Variants in DDO observed in about 807,000 individuals in gnomAD.
DDO encodes the protein D-aspartate oxidase, DDO.
In DDO, 16 loss-of-function variants were observed where a neutral mutation model predicts 16.8. The observed-to-expected ratio is 0.95, with a 90% CI of 0.65 to 1.45. The LOEUF (loss-of-function observed/expected upper bound fraction) is 1.45. Ranked by LOEUF, DDO falls within the 40% of genes most tolerant of loss-of-function variation. DDO has a pLI of 0.00. For synonymous variants in DDO, 180 were observed against 167.2 expected (o/e 1.08, Z -0.59); for missense variants, 429 against 420.3 (o/e 1.02, Z -0.18).
In DDO at chr6:110,393,224, C is replaced by T. The variant is rs1327674266; in HGVS notation, c.577G>A (p.Asp193Asn). ...SGLGSRQLAG[D>N]SKIFPVRGQV... ...CCCCTTACAGGGAAAATCTTTGAGT[C>T]TCCTGCAAGCTGTCTGCTTCCAAGG... The change falls in exon 5 of 5, where the codon GAC (aspartate) becomes AAC (asparagine). Residue 193 changes from aspartate to asparagine, a missense_variant. Coordinates refer to ENST00000368924, the MANE Select transcript of DDO (RefSeq NM_001372108.2). 1 of 1,614,240 alleles carries T rather than the reference C, an allele frequency of 6.2e-7. No individual in the cohort carries two copies. Among genetic ancestry groups the T allele is most frequent in the East Asian group, 2.2e-5 (1 of 44,884 alleles).
intron 2 of DDO, among the ~76,000 whole-genome samples, chr6:110,412,180 A>G (rs1773880477): frequency 6.6e-6 from 1 of 151,928 alleles, no homozygotes; most frequent in Non-Finnish European, 1.5e-5. Flanking sequence ...CCAGAGGTGA[A>G]GGTTACAGTG....
chr6:110,405,082 G>C, intron 3 of DDO, 132 bp from the exon 4 acceptor site: 1 of 925,020 alleles, frequency 1.1e-6, no homozygotes, highest in Non-Finnish European at 1.6e-6. Flanking sequence ...CATCACCCAG[G>C]TGGGAGTGCA....
chr6:110,400,581 T>G (rs1773454064), intron 4 of DDO, among the ~76,000 whole-genome samples: 1 of 152,292 alleles, frequency 6.6e-6, no homozygotes, highest in African/African-American at 2.4e-5. Flanking sequence ...ATCAGAACTC[T>G]CCTCATCTCC....
intron 4 of DDO, among the ~76,000 whole-genome samples, chr6:110,394,221 C>T (rs2114807709): frequency 6.6e-6 from 1 of 152,240 alleles, no homozygotes. Context: ...CCTCCCACCT[C>T]AGCCTCCTGA....
intron 2 of DDO, among the ~76,000 whole-genome samples, chr6:110,411,656 A>T (rs1193210189): frequency 1.3e-5 from 2 of 152,184 alleles, no homozygotes; most frequent in African/African-American, 2.4e-5. Context: ...GATAAATAGG[A>T]GGGGGACAAA....
chr6:110,406,386 A>G (rs1773656641), intron 3 of DDO, among the ~76,000 whole-genome samples: 1 of 152,046 alleles, frequency 6.6e-6, no homozygotes, highest in Non-Finnish European at 1.5e-5. Flanking sequence ...AAACCCAAGA[A>G]TCATCCTTGA....
At chr6:110,394,332 C>G (rs1188928647) in intron 4 of DDO, among the ~76,000 whole-genome samples, 2 of 152,164 alleles carry the variant, frequency 1.3e-5, no homozygotes, top group Non-Finnish European at 2.9e-5. Context: ...GTCTGCAACT[C>G]ATGAGCTCAG....
At chr6:110,391,296 T>C (rs943399826), downstream of DDO, among the ~76,000 whole-genome samples, 6 of 152,086 alleles carry the variant, frequency 3.9e-5, no homozygotes, top group Non-Finnish European at 7.4e-5. Context: ...TACTGTATCA[T>C]TTAACAGAAG....
At position 110,392,878 on chromosome 6, in the gene DDO, C is replaced by T. The variant is rs140566457; in HGVS notation, c.923G>A (p.Ser308Asn). The change falls in exon 5 of 5, where the codon AGT becomes AAT. Residue 308 changes from serine to asparagine, a missense_variant. Ser to Asn is a conservative substitution (Grantham distance 46, BLOSUM62 1). Coordinates refer to ENST00000368924, the MANE Select transcript of DDO (RefSeq NM_001372108.2). The stretch of plus-strand genomic sequence containing the variant: ...GCCCCAGTGCACTGAGATGCCCCCA[C>T]TCCCATGGCCATAGTGGTGGACTAC... ...LPVVHHYGHG[S>N]GGISVHWGTA... is the part of the protein sequence containing the mutation. 291 of 1,614,218 alleles carry T rather than the reference C, an allele frequency of 1.8e-4. 2 individuals are homozygous for T. In the African/African-American group the frequency reaches 3.5e-3, roughly 19 times the overall value.
intron 4 of DDO, among the ~76,000 whole-genome samples, chr6:110,402,598 G>T (rs1371310008): frequency 6.6e-6 from 1 of 152,198 alleles, no homozygotes; most frequent in African/African-American, 2.4e-5. Flanking sequence ...CCGGGAGGTT[G>T]CAGTGAGCTG....
downstream of DDO, among the ~76,000 whole-genome samples, chr6:110,391,592 C>CCCAAAGTGCTGGGATTGCA (rs1773102385): frequency 6.6e-6 from 1 of 152,102 alleles, no homozygotes; most frequent in African/African-American, 2.4e-5. Context: ...ACCTCAGCCT[C>CCCAAAGTGCTGGGATTGCA]CCAAAGTGCT....
rs139844778 is a variant in DDO, at chr6:110,393,319, G to A, written c.482C>T (p.Thr161Ile). Residue 161 changes from threonine (T) to isoleucine (I), a missense_variant, in exon 5 of 5, where the codon ACA becomes ATA. By Grantham distance (89) the Thr-to-Ile change is moderately conservative (BLOSUM62 -1). Transcript: ENST00000368924. ...CAGGTCTTCTATTCGCCGAGTGAGT[G>A]TCCAGCCTCCACTTCCCTTTATCCT... The part of the protein sequence containing the change: ...EKRIKGSGGW[T>I]LTRRIEDLWE... The A allele has an allele frequency of 1.7e-5, 27 of 1,604,562 alleles. No homozygotes were observed. The African/African-American group carries it at 3.5e-4, about 21-fold the overall frequency.
downstream of DDO, among the ~76,000 whole-genome samples, chr6:110,388,535 A>G (rs954239891): frequency 1.3e-5 from 2 of 151,476 alleles, no homozygotes; most frequent in Non-Finnish European, 2.9e-5. Context: ...ATTTTTAAAA[A>G]TAGCCTTTCT....
Position 110,398,937 on chromosome 6 carries a change from G to T in DDO, c.459-5595C>A, listed in dbSNP as rs544448927. The stretch of plus-strand genomic sequence containing the variant: ...ATGTTACAGGGCCCAGCACAGAAAT[G>T]GGCCACCCAGTTTCCTGAATGTTGT... On this transcript the variant is annotated intron_variant, in intron 4 of 4. Coordinates refer to ENST00000368924, the MANE Select transcript of DDO (RefSeq NM_001372108.2). Among the ~76,000 whole-genome samples, 5 of 152,310 alleles carry T rather than the reference G, an allele frequency of 3.3e-5. No individual in the cohort carries two copies. The East Asian group carries it at 9.6e-4, about 29-fold the overall frequency.
Position 110,408,428 on chromosome 6 carries a change from T to C in DDO, c.187A>G (p.Thr63Ala), listed in dbSNP as rs757875310. The change falls in exon 3 of 5, where the codon ACG (threonine) becomes GCG (alanine). Residue 63 changes from threonine to alanine, a missense_variant. Physicochemically the swap from Thr to Ala is moderately conservative, Grantham distance 58. Transcript: ENST00000368924. ...PHTYPDTPIH[T>A]QKQWFRETFN... ...GTTTCTCTGAACCACTGCTTCTGCG[T>C]GTGAATGGGTGTATCTGTAATCATG... is the stretch of plus-strand genomic sequence containing the variant. 3 of 1,614,092 alleles carry C rather than the reference T, an allele frequency of 1.9e-6. No homozygotes were observed.
chr6:110,407,446 A>G (rs188464535), intron 3 of DDO, among the ~76,000 whole-genome samples: 13 of 152,302 alleles, frequency 8.5e-5, no homozygotes, highest in Non-Finnish European at 1.8e-4. Context: ...GAAGAGAAAA[A>G]GGGTAGAAAT....
At chr6:110,388,541 T>A (rs1773052244), downstream of DDO, among the ~76,000 whole-genome samples, 1 of 151,162 alleles carries the variant, frequency 6.6e-6, no homozygotes, top group South Asian at 2.1e-4. Flanking sequence ...AAAAATAGCC[T>A]TTCTTCTATA....
intron 4 of DDO, among the ~76,000 whole-genome samples, chr6:110,395,517 C>T (rs986280157): frequency 2.0e-5 from 3 of 151,912 alleles, no homozygotes; most frequent in Non-Finnish European, 4.4e-5. Flanking sequence ...TCTCTGACTG[C>T]CGCAATCCAA....
chr6:110,396,429 A>G (rs888491086), intron 4 of DDO, among the ~76,000 whole-genome samples: 2 of 152,256 alleles, frequency 1.3e-5, no homozygotes, highest in Non-Finnish European at 2.9e-5. Flanking sequence ...CTGAGATCAC[A>G]TGAACCTGCA....
Sources: allele counts gnomAD v4.1 joint callset (sites outside exome capture counted in the v4.1 genomes callset), GRCh38; gene constraint gnomAD v4.1.1; transcripts MANE v1.5; gene names NCBI Gene and HGNC (gene_info 2026-07-23, HGNC 2026-07-21).